Variants in TCHP observed in about 807,000 individuals in gnomAD.
TCHP encodes trichoplein keratin filament binding, also known as trichoplein keratin filament-binding protein.
In TCHP, 81 loss-of-function variants were observed where a neutral mutation model predicts 88.7. The observed-to-expected ratio is 0.91, with a 90% CI of 0.76 to 1.10. The LOEUF is 1.10. Ranked by LOEUF, TCHP falls within the 50% of genes least tolerant of loss-of-function variation. The pLI is 0.00. For missense variants in TCHP, 641 were observed against 632.1 expected (o/e 1.01, Z -0.15); for synonymous variants, 232 against 232.5 (o/e 1.00, Z 0.02).
the TCHP span, among the ~76,000 whole-genome samples, chr12:109,886,117 G>C: frequency 5.1e-4 from 77 of 152,084 alleles, no homozygotes; most frequent in African/African-American, 1.8e-3. Context: ...GTGATTCCAT[G>C]GGTTACAATC....
At chr12:109,888,221 G>A in the TCHP span, 1 of 152,256 alleles carries the variant, frequency 6.6e-6, no homozygotes, top group Non-Finnish European at 1.5e-5. Context: ...GGGGAGAGGT[G>A]GGAAGGAAAA....
intron 4 of TCHP, 76 bp downstream of exon 4, chr12:109,904,869 G>A (rs1370335885): frequency 3.6e-6 from 5 of 1,370,914 alleles, no homozygotes; most frequent in African/African-American, 2.9e-5. Context: ...TTTTGAACAC[G>A]TATCTTGTAC....
At chr12:109,885,761 G>A in the TCHP span, among the ~76,000 whole-genome samples, 4 of 151,326 alleles carry the variant, frequency 2.6e-5, no homozygotes, top group South Asian at 2.1e-4. Context: ...GATTACAAGC[G>A]TGAGACACCG....
the TCHP span, among the ~76,000 whole-genome samples, chr12:109,882,672 T>TTA: frequency 7.2e-6 from 1 of 138,466 alleles, no homozygotes; most frequent in African/African-American, 2.8e-5. Context: ...TTTTTTTTTT[T>TTA]GAGATGGAGT....
the TCHP span, among the ~76,000 whole-genome samples, chr12:109,885,032 G>T: frequency 9.5e-4 from 144 of 152,014 alleles, no homozygotes; most frequent in Non-Finnish European, 1.8e-3. Flanking sequence ...GCAGTGCTAC[G>T]ATCTTGGCTC....
At chr12:109,914,731 C>T (rs150290755) in intron 11 of TCHP, 104 bp downstream of exon 11, 8 of 918,154 alleles carry the variant, frequency 8.7e-6, no homozygotes, top group South Asian at 1.7e-5. Flanking sequence ...GGCTTGCGCA[C>T]GTTTGAGAGC....
chr12:109,913,207 T>A, intron 10 of TCHP, 135 bp downstream of exon 10: 4 of 757,048 alleles, frequency 5.3e-6, no homozygotes, highest in Admixed American at 2.6e-5. Flanking sequence ...TTAAAAATCA[T>A]TGAAAAAGTA....
intron 1 of TCHP, among the ~76,000 whole-genome samples, chr12:109,901,345 CTT>C (rs151079579): frequency 0.052 from 7,853 of 152,228 alleles, 271 homozygotes; most frequent in Middle Eastern, 0.082. Flanking sequence ...CTTTTAGACT[CTT>C]TTTTTCCCCT....
At chr12:109,883,041 C>CTT in the TCHP span, among the ~76,000 whole-genome samples, 16 of 137,030 alleles carry the variant, frequency 1.2e-4, no homozygotes, top group Admixed American at 3.6e-4. Flanking sequence ...TTTTTTTTTT[C>CTT]TTTTTTTTTT....
At chr12:109,904,906 G>A (rs1409886380) in intron 4 of TCHP, 113 bp downstream of exon 4, 1 of 938,458 alleles carries the variant, frequency 1.1e-6, no homozygotes, top group Non-Finnish European at 1.6e-6. Context: ...AGGGAACCTT[G>A]AGCCACCTGA....
At chr12:109,886,142 TATTC>T in the TCHP span, among the ~76,000 whole-genome samples, 2 of 152,126 alleles carry the variant, frequency 1.3e-5, no homozygotes, top group African/African-American at 4.8e-5. Context: ...ACTATTTATT[TATTC>T]ATTCATTTTT....
At chr12:109,884,559 C>T in the TCHP span, among the ~76,000 whole-genome samples, 5 of 152,198 alleles carry the variant, frequency 3.3e-5, no homozygotes, top group African/African-American at 1.2e-4. Context: ...CCTGACTACT[C>T]ATCCCCCAGA....
At chr12:109,892,221 G>A in the TCHP span, among the ~76,000 whole-genome samples, 1 of 152,154 alleles carries the variant, frequency 6.6e-6, no homozygotes, top group Non-Finnish European at 1.5e-5. Context: ...TTCAATGAAA[G>A]CTATGGAAGA....
At chr12:109,894,316 C>T in the TCHP span, among the ~76,000 whole-genome samples, 3 of 151,214 alleles carry the variant, frequency 2.0e-5, no homozygotes, top group Admixed American at 6.6e-5. Context: ...AAAAATTAGC[C>T]GGGCGTGGTG....
intron 1 of TCHP, among the ~76,000 whole-genome samples, chr12:109,902,464 GTTTA>G (rs1231808803): frequency 2.6e-5 from 4 of 151,890 alleles, no homozygotes; most frequent in African/African-American, 4.8e-5. Context: ...TCTGGCTAAG[GTTTA>G]TTTGTTTTGT....
In TCHP at chr12:109,903,326, T is replaced by G; in HGVS notation, c.188+112T>G. On this transcript the variant is annotated intron_variant, in intron 2 of 12. Transcript: ENST00000405876. The surrounding 1 kb of genome is among the most constrained non-coding windows in gnomAD (Gnocchi z 4.6). ...GATTTGCCAGGCAGTATGAATTACC[T>G]GCATGGTGATGTTTTTCCAGCTGGA... is the stretch of plus-strand genomic sequence containing the variant. 1.1e-6 allele frequency: 1 copy of G among 923,924 alleles called. No homozygotes were observed. Among genetic ancestry groups the G allele is most frequent in the Non-Finnish European group, 1.6e-6 (1 of 628,416 alleles). The allele number at this position is 923,924 out of a possible 1,614,324, so 57.2% of individuals were successfully genotyped here.
Position 109,915,636 on chromosome 12 carries a change from G to A in TCHP, c.1464+90G>A, listed in dbSNP as rs185765402. ...CTGGGCCTGCTCATCGCCCCGCGCC[G>A]GGGTCTGCTCTCCGGCCGTCCGGGT... On this transcript the variant is annotated intron_variant, in intron 12 of 12. Transcript: ENST00000405876. The A allele has an allele frequency of 2.9e-4, 419 of 1,426,764 alleles. No homozygotes were observed. The African/African-American group carries it at 4.7e-3, about 16-fold the overall frequency. The allele number at this position is 1,426,764 out of a possible 1,614,324, so 88.4% of individuals were successfully genotyped here. A position where few individuals can be genotyped will look rare whatever the true frequency, so the allele number is the denominator to read the frequency against.
chr12:109,886,704 GTTTGT>G, the TCHP span, among the ~76,000 whole-genome samples: 47 of 151,576 alleles, frequency 3.1e-4, no homozygotes, highest in African/African-American at 1.1e-3. Flanking sequence ...AGATTTTTTT[GTTTGT>G]TTTTTGTTTT....
At chr12:109,902,965 C>G (rs1444067650) in intron 1 of TCHP, 62 bp from the exon 2 acceptor site, 15 of 1,465,724 alleles carry the variant, frequency 1.0e-5, no homozygotes, top group Non-Finnish European at 1.4e-5. Context: ...AGGGATGAGG[C>G]CAAGCTGGTG....
Sources: allele counts gnomAD v4.1 joint callset (sites outside exome capture counted in the v4.1 genomes callset), GRCh38; gene constraint gnomAD v4.1.1; non-coding constraint Gnocchi (gnomAD v3.1); transcripts MANE v1.5; gene names NCBI Gene and HGNC (gene_info 2026-07-23, HGNC 2026-07-21).